The following GRM1 variants were observed in gnomAD, a reference collection of about 807,000 sequenced individuals.
GRM1 encodes glutamate metabotropic receptor 1, also known as metabotropic glutamate receptor 1.
In GRM1, 33 loss-of-function variants were observed where a neutral mutation model predicts 90.9. The ratio of observed to expected loss-of-function variants is 0.36; its 90% confidence interval spans 0.28 to 0.49. The LOEUF is 0.49. GRM1 is among the 20% of genes least tolerant of loss of function. The probability of loss-of-function intolerance (pLI) is 0.99; values close to 1 mark genes in which losing one functional copy is unlikely to be tolerated. For missense variants in GRM1, 1,190 were observed against 1,534.3 expected (o/e 0.78, Z 3.75); for synonymous variants, 700 against 613.2 (o/e 1.14, Z -2.09).
At chr6:146,417,231 C>T (rs953188880) in intron 7 of GRM1, among the ~76,000 whole-genome samples, 4 of 152,174 alleles carry the variant, frequency 2.6e-5, no homozygotes, top group Non-Finnish European at 4.4e-5. Flanking sequence ...ATTTGTTGAT[C>T]CGTTGCATTC....
At chr6:146,428,218 C>T (rs1778285044) in intron 7 of GRM1, among the ~76,000 whole-genome samples, 1 of 151,888 alleles carries the variant, frequency 6.6e-6, no homozygotes, top group Non-Finnish European at 1.5e-5. Flanking sequence ...CATGGTTGTT[C>T]CTGTTAAATT....
At position 146,414,587 on chromosome 6, in the gene GRM1, A is replaced by G. The variant is rs1029704767; in HGVS notation, c.2660+14888A>G. On this transcript the variant is annotated intron_variant, in intron 7 of 7. Coordinates refer to ENST00000282753, the MANE Select transcript of GRM1 (RefSeq NM_001278064.2). ...CTGGCTAATTTTTTGTATTTTTAGTAGAGACGGGGTTTCACCCTGTTAGCC... is the reference window on the plus strand; with the variant it reads ...CTGGCTAATTTTTTGTATTTTTAGTGGAGACGGGGTTTCACCCTGTTAGCC... 2.0e-5 allele frequency among the ~76,000 whole-genome samples: 3 copies of G among 151,998 alleles called. No individual in the cohort carries two copies. In the East Asian group the frequency reaches 5.8e-4, roughly 29 times the overall value.
chr6:146,416,628 A>G (rs1036746719), intron 7 of GRM1, among the ~76,000 whole-genome samples: 2 of 152,100 alleles, frequency 1.3e-5, no homozygotes, highest in African/African-American at 4.8e-5. Flanking sequence ...GTATCCCCAT[A>G]TGTTTCTCCT....
chr6:146,159,916 T>TAAAAA (rs566531460), intron 2 of GRM1: 105 of 66,308 alleles, frequency 1.6e-3, no homozygotes, highest in African/African-American at 3.9e-3. Flanking sequence ...ACCTTAACTA[T>TAAAAA]AAAAAAAAAA....
intron 3 of GRM1, among the ~76,000 whole-genome samples, chr6:146,326,120 G>A (rs1784390768): frequency 6.6e-6 from 1 of 152,110 alleles, no homozygotes; most frequent in Non-Finnish European, 1.5e-5. Context: ...AGAAACAAAA[G>A]TTAGATTGTG....
chr6:146,339,336 A>T (rs1471321224), intron 3 of GRM1, among the ~76,000 whole-genome samples: 3 of 152,174 alleles, frequency 2.0e-5, no homozygotes, highest in Admixed American at 2.0e-4. Flanking sequence ...TGTTTAAGGG[A>T]CTTGAAGAAC....
intron 1 of GRM1, among the ~76,000 whole-genome samples, chr6:146,152,747 C>G (rs1777386071): frequency 6.6e-6 from 1 of 152,146 alleles, no homozygotes; most frequent in African/African-American, 2.4e-5. Context: ...CTTGGCAACT[C>G]TTAAAGGGCA....
intron 7 of GRM1, among the ~76,000 whole-genome samples, chr6:146,419,349 G>A (rs991765557): frequency 1.1e-4 from 17 of 152,142 alleles, no homozygotes; most frequent in Non-Finnish European, 8.8e-5. Context: ...AAAAACAATA[G>A]GAAGGACAAA....
At chr6:146,419,041 A>T (rs1475074355) in intron 7 of GRM1, among the ~76,000 whole-genome samples, 1 of 152,168 alleles carries the variant, frequency 6.6e-6, no homozygotes, top group Non-Finnish European at 1.5e-5. Flanking sequence ...ACATATAAGG[A>T]GTAAAAAGGA....
chr6:146,183,249 T>A (rs1482311698), intron 2 of GRM1, among the ~76,000 whole-genome samples: 2 of 152,220 alleles, frequency 1.3e-5, no homozygotes, highest in Non-Finnish European at 2.9e-5. Context: ...TCACTTCTCT[T>A]CACATCCTGT....
chr6:146,136,798 C>T (rs1776637115), intron 1 of GRM1, among the ~76,000 whole-genome samples: 3 of 149,184 alleles, frequency 2.0e-5, no homozygotes, highest in African/African-American at 4.9e-5. Flanking sequence ...AATAATCTGT[C>T]ATGTGGGTTG....
At chr6:146,231,044 G>T (rs1780434420) in intron 2 of GRM1, among the ~76,000 whole-genome samples, 1 of 152,120 alleles carries the variant, frequency 6.6e-6, no homozygotes. Flanking sequence ...GGATTCTTAG[G>T]GCAGTGAAAC....
In GRM1 at chr6:146,185,702, A is replaced by G. The variant is rs189792893; in HGVS notation, c.950+26105A>G. Among the ~76,000 whole-genome samples the G allele has an allele frequency of 7.3e-4, 111 of 152,256 alleles. 1 individual carries two copies. Among genetic ancestry groups the G allele is most frequent in the Admixed American group, 3.0e-3 (46 of 15,282 alleles). On this transcript the variant is annotated intron_variant, in intron 2 of 7. Transcript: ENST00000282753. ...TGAAAACTTTGTGGGTGTCCTACCT[A>G]TTTGATTCCAATCAGCGTTTGATGC... is the stretch of plus-strand genomic sequence containing the variant.
intron 2 of GRM1, among the ~76,000 whole-genome samples, chr6:146,224,135 A>G: frequency 6.6e-6 from 1 of 152,100 alleles, no homozygotes; most frequent in East Asian, 1.9e-4. Flanking sequence ...CTGTATTACA[A>G]ATTGTTAATT....
intron 5 of GRM1, among the ~76,000 whole-genome samples, chr6:146,384,166 AG>A (rs1401217018): frequency 6.6e-6 from 1 of 152,176 alleles, no homozygotes. Context: ...GTATGGAAGA[AG>A]ATGGATCTAT....
chr6:146,290,349 G>A (rs1447908483), intron 2 of GRM1, among the ~76,000 whole-genome samples: 2 of 152,080 alleles, frequency 1.3e-5, no homozygotes, highest in African/African-American at 4.8e-5. Flanking sequence ...TCTTAACAAC[G>A]TAAAAAACTG....
At chr6:146,231,034 G>A (rs1780434097) in intron 2 of GRM1, among the ~76,000 whole-genome samples, 1 of 152,118 alleles carries the variant, frequency 6.6e-6, no homozygotes, top group African/African-American at 2.4e-5. Flanking sequence ...AGAACATGGA[G>A]GATTCTTAGG....
At chr6:146,199,638 G>A (rs1779232186) in intron 2 of GRM1, among the ~76,000 whole-genome samples, 1 of 151,820 alleles carries the variant, frequency 6.6e-6, no homozygotes, top group South Asian at 2.1e-4. Context: ...ATGACTGCCA[G>A]TAGAGGAGGT....
chr6:146,220,492 G>T (rs192631535), intron 2 of GRM1, among the ~76,000 whole-genome samples: 3 of 152,136 alleles, frequency 2.0e-5, no homozygotes, highest in African/African-American at 7.2e-5. Flanking sequence ...TTTTGTGTTA[G>T]AATTTAATGT....
Sources: gnomAD v4.1 joint callset for allele counts (sites outside exome capture counted in the v4.1 genomes callset) on GRCh38, gnomAD v4.1.1 for gene constraint, MANE v1.5 for transcripts, NCBI Gene and HGNC (gene_info 2026-07-23, HGNC 2026-07-21) for gene names.